The following NBPF3 variants were observed in gnomAD, a reference collection of about 807,000 sequenced individuals.
NBPF3 encodes the protein NBPF member 3.
Under a neutral mutation model 78.1 loss-of-function variants are expected in NBPF3, and 57 were observed. The ratio of observed to expected loss-of-function variants is 0.73; its 90% confidence interval spans 0.59 to 0.91. NBPF3 has a LOEUF of 0.91. Among genes scored for constraint, NBPF3 ranks in the 40% least tolerant of loss-of-function variants. The pLI, the probability that NBPF3 is intolerant of heterozygous loss-of-function variation, is 0.00. For synonymous variants in NBPF3, 182 were observed against 271.7 expected, an observed-to-expected ratio of 0.67 and a Z score of 3.25; for missense variants, 510 against 715.3, an observed-to-expected ratio of 0.71 and a Z score of 3.27.
intron 9 of NBPF3, among the ~76,000 whole-genome samples, chr1:21,478,860 G>A (rs1379996123): frequency 6.6e-6 from 1 of 152,118 alleles, no homozygotes; most frequent in African/African-American, 2.4e-5. Context: ...CTAGATAAAT[G>A]GCTGACTTTT....
upstream of NBPF3, among the ~76,000 whole-genome samples, chr1:21,439,459 A>C (rs1185198381): frequency 6.6e-6 from 1 of 151,500 alleles, no homozygotes; most frequent in Admixed American, 6.6e-5. Context: ...ATTGCACTCC[A>C]TCCTGGGCAA....
chr1:21,470,928 C>G (rs1310452712), intron 4 of NBPF3, among the ~76,000 whole-genome samples, 194 bp downstream of exon 4: 1 of 152,172 alleles, frequency 6.6e-6, no homozygotes, highest in African/African-American at 2.4e-5. Context: ...AGTTGTTTTT[C>G]AGAGCCTTAT....
At chr1:21,446,491 TTCCCTACTTCCC>T (rs1343929015) in intron 2 of NBPF3, 3 of 143,654 alleles carry the variant, frequency 2.1e-5, no homozygotes, top group Non-Finnish European at 4.5e-5. Context: ...CCTTCCTTCC[TTCCCTACTTCCC>T]TCCAACTCTC....
rs1266180250 is a variant in NBPF3 at position 21,465,142 on chromosome 1, G to T, written c.134-3546G>T. On this transcript the variant is annotated intron_variant, in intron 2 of 14. Coordinates refer to ENST00000318249, the MANE Select transcript of NBPF3 (RefSeq NM_032264.6). ...AAGATTTCCTTTTTTCAGAAATGAG[G>T]TATAGGGGAGAGAAGCACTGGTCCA... 1.1e-4 allele frequency among the ~76,000 whole-genome samples: 17 copies of T among 152,284 alleles called. No homozygotes were observed. The East Asian group carries it at 3.3e-3, about 29-fold the overall frequency.
At chr1:21,458,428 G>T (rs1641761062) in intron 2 of NBPF3, among the ~76,000 whole-genome samples, 2 of 145,960 alleles carry the variant, frequency 1.4e-5, no homozygotes, top group African/African-American at 5.1e-5. Context: ...TGAAACAGTT[G>T]TTAGGGAGGC....
At chr1:21,479,087 T>C (rs1386959652) in intron 9 of NBPF3, among the ~76,000 whole-genome samples, 1 of 152,252 alleles carries the variant, frequency 6.6e-6, no homozygotes, top group Non-Finnish European at 1.5e-5. Flanking sequence ...AAAACATTGC[T>C]CATTTGTGTA....
intron 2 of NBPF3, among the ~76,000 whole-genome samples, chr1:21,455,649 A>G (rs1194419265): frequency 6.6e-6 from 1 of 152,144 alleles, no homozygotes; most frequent in East Asian, 1.9e-4. Context: ...CTGAGCTGAG[A>G]AGGCAGAGAT....
intron 2 of NBPF3, among the ~76,000 whole-genome samples, chr1:21,447,364 TC>T: frequency 6.6e-6 from 1 of 152,322 alleles, no homozygotes; most frequent in Middle Eastern, 3.4e-3. Flanking sequence ...CAATACAGCG[TC>T]ATGCGAAATA....
At chr1:21,456,106 G>A (rs1641584840) in intron 2 of NBPF3, among the ~76,000 whole-genome samples, 1 of 152,090 alleles carries the variant, frequency 6.6e-6, no homozygotes, top group Admixed American at 6.6e-5. Context: ...CAAATTAGAG[G>A]GTCTTGGGAA....
At chr1:21,472,036 G>A (rs1354933724) in intron 5 of NBPF3, among the ~76,000 whole-genome samples, 4 of 152,196 alleles carry the variant, frequency 2.6e-5, no homozygotes, top group Non-Finnish European at 4.4e-5. Flanking sequence ...GAAGCTGCAC[G>A]TTTCTAGTTT....
At chr1:21,471,892 A>T (rs1206184263) in intron 5 of NBPF3, 109 bp downstream of exon 5, 35 of 1,436,934 alleles carry the variant, frequency 2.4e-5, no homozygotes, top group Non-Finnish European at 3.1e-5. Context: ...TTCCCACTAA[A>T]CGTATGTGGC....
intron 7 of NBPF3, among the ~76,000 whole-genome samples, chr1:21,474,153 TG>T (rs2147999004): frequency 6.6e-6 from 1 of 152,290 alleles, no homozygotes; most frequent in Non-Finnish European, 1.5e-5. Flanking sequence ...GCTGATGCAA[TG>T]TTTTGTAGCA....
intron 2 of NBPF3, among the ~76,000 whole-genome samples, chr1:21,458,933 A>T (rs191605375): frequency 2.6e-5 from 4 of 152,360 alleles, no homozygotes; most frequent in Non-Finnish European, 5.9e-5. Context: ...CATTGATTTC[A>T]TCATCTTAAT....
chr1:21,481,420 C>G (rs1369539754), intron 12 of NBPF3, among the ~76,000 whole-genome samples, 177 bp from the exon 13 acceptor site: 3 of 150,684 alleles, frequency 2.0e-5, no homozygotes, highest in Non-Finnish European at 2.9e-5. Context: ...CTTTCTCTTT[C>G]ATTCTTTTCT....
At chr1:21,463,477 A>C (rs796240222) in intron 2 of NBPF3, among the ~76,000 whole-genome samples, 1 of 152,192 alleles carries the variant, frequency 6.6e-6, no homozygotes, top group African/African-American at 2.4e-5. Context: ...AACAATGTCC[A>C]CCGTCCTCTA....
upstream of NBPF3, chr1:21,437,562 T>C (rs1640448451): frequency 3.6e-6 from 4 of 1,110,586 alleles, no homozygotes; most frequent in South Asian, 3.2e-5. Context: ...TGGGGGCTAC[T>C]GAAGAATAAG....
At chr1:21,446,932 T>C (rs1453139096) in intron 2 of NBPF3, among the ~76,000 whole-genome samples, 2 of 152,230 alleles carry the variant, frequency 1.3e-5, no homozygotes, top group African/African-American at 4.8e-5. Context: ...CGATCTGCTA[T>C]CTGTATTCCA....
At chr1:21,475,072 C>A in intron 8 of NBPF3, 121 bp downstream of exon 8, 1 of 844,036 alleles carries the variant, frequency 1.2e-6, no homozygotes, top group Admixed American at 2.1e-5. Flanking sequence ...ACAAGTTGTC[C>A]TTATTAACAA....
At chr1:21,472,160 G>A (rs967711486) in intron 5 of NBPF3, among the ~76,000 whole-genome samples, 2 of 152,176 alleles carry the variant, frequency 1.3e-5, no homozygotes, top group Non-Finnish European at 2.9e-5. Flanking sequence ...AGTAACTGTC[G>A]GTGAGTGAGT....
Sources: allele counts gnomAD v4.1 joint callset (sites outside exome capture counted in the v4.1 genomes callset), GRCh38; gene constraint gnomAD v4.1.1; transcripts MANE v1.5; gene names NCBI Gene and HGNC (gene_info 2026-07-23, HGNC 2026-07-21).